LRRC4C: variants seen among roughly 807,000 people sequenced by gnomAD.
LRRC4C encodes the protein leucine-rich repeat-containing protein 4C.
A neutral mutation model predicts 33.6 loss-of-function variants in LRRC4C; 5 were observed. The ratio of observed to expected loss-of-function variants is 0.15; its 90% CI spans 0.08 to 0.31. LRRC4C has a LOEUF of 0.31. Ranked by LOEUF, LRRC4C falls within the 10% of genes least tolerant of loss-of-function variation. The pLI is 1.00. For missense variants in LRRC4C, 560 were observed against 796.7 expected, an observed-to-expected ratio of 0.70 and a Z score of 3.58; for synonymous variants, 329 against 302.0, an observed-to-expected ratio of 1.09 and a Z score of -0.93.
At chr11:40,720,077 T>A (rs1395748201) in intron 2 of LRRC4C, among the ~76,000 whole-genome samples, 2 of 152,200 alleles carry the variant, frequency 1.3e-5, no homozygotes, top group Admixed American at 6.5e-5. Flanking sequence ...TCATCTATGA[T>A]GCTTAGGTTG....
chr11:40,433,991 A>G (rs1951040318), intron 3 of LRRC4C, among the ~76,000 whole-genome samples: 1 of 152,206 alleles, frequency 6.6e-6, no homozygotes, highest in African/African-American at 2.4e-5. Flanking sequence ...TAATGGGAAG[A>G]CTGTGTTCAG....
At chr11:41,169,588 T>C (rs1944878897) in intron 1 of LRRC4C, among the ~76,000 whole-genome samples, 1 of 152,172 alleles carries the variant, frequency 6.6e-6, no homozygotes, top group Non-Finnish European at 1.5e-5. Context: ...ATATTTTATT[T>C]TCCATGATTC....
At position 40,336,931 on chromosome 11, in the gene LRRC4C, T is replaced by C. The variant is rs373149116; in HGVS notation, c.-269-17210A>G. Among the ~76,000 whole-genome samples, 38 of 129,570 alleles carry C rather than the reference T, an allele frequency of 2.9e-4. 1 individual carries two copies. The South Asian group carries it at 6.4e-3, about 22-fold the overall frequency. 85.0% of individuals were successfully genotyped at this position (129,570 alleles called of 152,430 possible). A position where few individuals can be genotyped will look rare whatever the true frequency, so the allele number is the denominator to read the frequency against. On this transcript the variant is annotated intron_variant, in intron 3 of 6. Transcript: ENST00000528697. ...GGCGGAGCTTGCAGTGAGCCGAGAT[T>C]GCACCACTGCACTCCAGCCTGGGGG...
intron 1 of LRRC4C, among the ~76,000 whole-genome samples, chr11:41,328,961 G>A (rs150905319): frequency 4.5e-4 from 69 of 152,304 alleles, no homozygotes; most frequent in Middle Eastern, 3.4e-3. Flanking sequence ...GTTAAGATGT[G>A]AATTGAGGTT....
intron 3 of LRRC4C, among the ~76,000 whole-genome samples, chr11:40,555,012 C>T (rs1440100339): frequency 4.2e-5 from 6 of 143,218 alleles, no homozygotes; most frequent in Admixed American, 6.7e-5. Context: ...TGAGCCACCG[C>T]GCCCGGCCAA....
At chr11:40,943,703 A>C (rs982474190) in intron 1 of LRRC4C, among the ~76,000 whole-genome samples, 2 of 152,192 alleles carry the variant, frequency 1.3e-5, no homozygotes, top group African/African-American at 2.4e-5. Context: ...CTCCAAGGCT[A>C]TCTCTCCTGT....
At chr11:40,357,350 C>T (rs964931980) in intron 3 of LRRC4C, among the ~76,000 whole-genome samples, 2 of 152,096 alleles carry the variant, frequency 1.3e-5, no homozygotes, top group African/African-American at 4.8e-5. Flanking sequence ...CAAGAAGTCA[C>T]ATTAGGAGAT....
intron 3 of LRRC4C, among the ~76,000 whole-genome samples, chr11:40,605,568 G>A (rs1274413908): frequency 6.6e-6 from 1 of 152,136 alleles, no homozygotes; most frequent in Non-Finnish European, 1.5e-5. Context: ...TTATCACAGT[G>A]GGACTCAGAG....
intron 1 of LRRC4C, among the ~76,000 whole-genome samples, chr11:41,277,000 G>T (rs1949505102): frequency 6.6e-6 from 1 of 152,132 alleles, no homozygotes; most frequent in African/African-American, 2.4e-5. Context: ...TAAGTTTGCG[G>T]TAGCTCTTTA....
intron 3 of LRRC4C, among the ~76,000 whole-genome samples, chr11:40,366,994 A>C (rs796703364): frequency 6.6e-6 from 1 of 152,122 alleles, no homozygotes; most frequent in African/African-American, 2.4e-5. Flanking sequence ...TTTCTGAGAC[A>C]TAGAGAAATG....
chr11:40,230,429 G>A (rs1352666617), intron 5 of LRRC4C, among the ~76,000 whole-genome samples: 2 of 152,310 alleles, frequency 1.3e-5, no homozygotes, highest in African/African-American at 4.8e-5. Context: ...GGGAGAAGAA[G>A]AAAATTGGCA....
At chr11:41,280,540 G>A (rs1218341246) in intron 1 of LRRC4C, among the ~76,000 whole-genome samples, 3 of 152,154 alleles carry the variant, frequency 2.0e-5, no homozygotes, top group Non-Finnish European at 2.9e-5. Flanking sequence ...AAATAACATT[G>A]CATTCACCAT....
rs1288403075 is a variant in LRRC4C, at chr11:40,423,636, G to A, written c.-269-103915C>T. On this transcript the variant is annotated intron_variant, in intron 3 of 6. Transcript: ENST00000528697. ...TGGGATTACAGGCGTGAGCCACCGC[G>A]TCCGGCTGTTCATGTTCTTAATGAT... Among the ~76,000 whole-genome samples, 51 of 152,120 alleles carry A rather than the reference G, an allele frequency of 3.4e-4. 1 individual carries two copies. Among genetic ancestry groups the A allele is most frequent in the Admixed American group, 3.3e-3 (51 of 15,272 alleles).
intron 1 of LRRC4C, among the ~76,000 whole-genome samples, chr11:40,992,730 T>C (rs1490131772): frequency 6.6e-6 from 1 of 152,196 alleles, no homozygotes; most frequent in Non-Finnish European, 1.5e-5. Context: ...AACTATAAGA[T>C]TGCTACGACA....
intron 3 of LRRC4C, among the ~76,000 whole-genome samples, chr11:40,379,346 G>A (rs892321306): frequency 1.3e-4 from 20 of 152,200 alleles, no homozygotes; most frequent in African/African-American, 4.6e-4. Flanking sequence ...GGCCCAGAAA[G>A]CAGCTGTTTT....
rs1950652611 is a variant in LRRC4C, at chr11:41,311,887, A to G, written c.-496+147544T>C. Among the ~76,000 whole-genome samples, 3 of 152,306 alleles carry G rather than the reference A, an allele frequency of 2.0e-5. No individual in the cohort carries two copies. In the South Asian group the frequency reaches 6.2e-4, roughly 32 times the overall value. On this transcript the variant is annotated intron_variant, in intron 1 of 6. Coordinates refer to ENST00000528697, the MANE Select transcript of LRRC4C (RefSeq NM_001258419.2). Reference sequence around the variant, plus strand: ...TCCCTGTATTGTGACAATCAGTGGAAGTAGGGGTTTCTCTGTCTTATTTAC... The same window carrying G: ...TCCCTGTATTGTGACAATCAGTGGAGGTAGGGGTTTCTCTGTCTTATTTAC...
intron 2 of LRRC4C, among the ~76,000 whole-genome samples, chr11:40,804,643 T>C (rs1951171815): frequency 6.6e-6 from 1 of 152,204 alleles, no homozygotes; most frequent in East Asian, 1.9e-4. Flanking sequence ...GTTGAACTAG[T>C]CTAATTTGCA....
At chr11:40,522,061 C>T (rs891342996) in intron 3 of LRRC4C, among the ~76,000 whole-genome samples, 1 of 152,226 alleles carries the variant, frequency 6.6e-6, no homozygotes, top group African/African-American at 2.4e-5. Flanking sequence ...CCCTCTCTGT[C>T]GCCCAGGCTG....
chr11:40,572,478 T>C (rs72886947), intron 3 of LRRC4C, among the ~76,000 whole-genome samples: 1,635 of 152,186 alleles, frequency 0.011, 24 homozygotes, highest in African/African-American at 0.026. Flanking sequence ...ACCAATAATA[T>C]CTACAAAAAA....
Sources: allele counts gnomAD v4.1 joint callset (sites outside exome capture counted in the v4.1 genomes callset), GRCh38; gene constraint gnomAD v4.1.1; transcripts MANE v1.5; gene names NCBI Gene and HGNC (gene_info 2026-07-23, HGNC 2026-07-21).